Variants in RBFOX1 observed in about 807,000 individuals in gnomAD.
RBFOX1 encodes RNA binding protein fox-1 homolog 1.
Under a neutral mutation model 57.7 loss-of-function variants are expected in RBFOX1, and 8 were observed. The observed-to-expected ratio is 0.14, with a 90% CI of 0.08 to 0.25. RBFOX1 has a LOEUF of 0.25. Ranked by LOEUF, RBFOX1 falls within the 10% of genes least tolerant of loss-of-function variation. The probability of loss-of-function intolerance (pLI) is 1.00; values close to 1 mark genes in which losing one functional copy is unlikely to be tolerated. For synonymous variants in RBFOX1, 326 were observed against 222.4 expected (o/e 1.47, Z -4.15); for missense variants, 611 against 548.5 (o/e 1.11, Z -1.14).
intron 4 of RBFOX1, among the ~76,000 whole-genome samples, chr16:7,104,777 C>G (rs780530444): frequency 6.6e-6 from 1 of 152,096 alleles, no homozygotes; most frequent in Non-Finnish European, 1.5e-5. Context: ...ATTGCTCTAC[C>G]TTTTTTGTTG....
chr16:6,572,044 T>C (rs897265869), intron 2 of RBFOX1, among the ~76,000 whole-genome samples: 2 of 152,188 alleles, frequency 1.3e-5, no homozygotes, highest in Non-Finnish European at 2.9e-5. Context: ...TTTGTCCTAA[T>C]ATACATGAAA....
intron 3 of RBFOX1, among the ~76,000 whole-genome samples, chr16:6,718,967 A>G (rs531652317): frequency 2.6e-5 from 4 of 152,132 alleles, no homozygotes; most frequent in East Asian, 1.9e-4. Flanking sequence ...GGCTCAAACA[A>G]TCCTCCCACC....
chr16:6,660,873 C>A (rs1284986493), intron 3 of RBFOX1, among the ~76,000 whole-genome samples: 2 of 152,108 alleles, frequency 1.3e-5, no homozygotes, highest in African/African-American at 4.8e-5. Context: ...GGGGAGTATG[C>A]AACCAATGGG....
intron 3 of RBFOX1, among the ~76,000 whole-genome samples, chr16:6,752,604 T>C (rs1197122053): frequency 6.6e-6 from 1 of 152,222 alleles, no homozygotes; most frequent in Non-Finnish European, 1.5e-5. Context: ...CTTTAAGCTT[T>C]TTATTATGGC....
intron 4 of RBFOX1, among the ~76,000 whole-genome samples, chr16:5,899,634 G>C (rs934867784): frequency 6.6e-6 from 1 of 152,106 alleles, no homozygotes; most frequent in African/African-American, 2.4e-5. Context: ...TACCTGATTG[G>C]GTCAAAACCC....
chr16:5,984,475 A>G (rs752951996), intron 4 of RBFOX1, among the ~76,000 whole-genome samples: 1 of 151,970 alleles, frequency 6.6e-6, no homozygotes, highest in Non-Finnish European at 1.5e-5. Flanking sequence ...ATCCCAGTGA[A>G]CTGTCAAGTC....
intron 14 of RBFOX1, among the ~76,000 whole-genome samples, chr16:7,684,571 T>C (rs1291714057): frequency 6.6e-6 from 1 of 151,906 alleles, no homozygotes; most frequent in Admixed American, 6.6e-5. Context: ...ATGCCACACA[T>C]ATGATAAGCT....
At chr16:6,878,132 G>A (rs1404974677) in intron 3 of RBFOX1, among the ~76,000 whole-genome samples, 1 of 152,068 alleles carries the variant, frequency 6.6e-6, no homozygotes, top group East Asian at 1.9e-4. Flanking sequence ...TAAGAGAAGT[G>A]ATAGCTAATG....
chr16:6,486,660 T>TTA (rs1555498498), intron 2 of RBFOX1, among the ~76,000 whole-genome samples: 5 of 94,802 alleles, frequency 5.3e-5, no homozygotes, highest in African/African-American at 2.1e-4. Context: ...AATTTTATTA[T>TTA]TTTTTTTTTT....
intron 4 of RBFOX1, among the ~76,000 whole-genome samples, chr16:5,916,823 C>G (rs1187492389): frequency 6.6e-6 from 1 of 152,116 alleles, no homozygotes; most frequent in Non-Finnish European, 1.5e-5. Flanking sequence ...GGGAGAGAGT[C>G]GGAAACCACA....
At chr16:7,387,758 A>G (rs73550750) in intron 4 of RBFOX1, among the ~76,000 whole-genome samples, 5,898 of 152,240 alleles carry the variant, frequency 0.039, 400 homozygotes, top group African/African-American at 0.14. Flanking sequence ...CCACAATCCC[A>G]TGAACAGCAA....
At chr16:6,590,235 TTCGATTA>T (rs1455055629) in intron 2 of RBFOX1, among the ~76,000 whole-genome samples, 1 of 152,206 alleles carries the variant, frequency 6.6e-6, no homozygotes, top group Non-Finnish European at 1.5e-5. Context: ...TTTGATTCAG[TTCGATTA>T]TCTTTCATGA....
intron 9 of RBFOX1, 54 bp downstream of exon 9, chr16:7,597,485 G>A: frequency 1.4e-6 from 2 of 1,450,676 alleles, no homozygotes; most frequent in Non-Finnish European, 1.9e-6. Context: ...GACTCTTTAA[G>A]TAATTTAACC....
chr16:6,981,042 C>CAAAAAA (rs36117809), intron 3 of RBFOX1, among the ~76,000 whole-genome samples: 26 of 77,428 alleles, frequency 3.4e-4, no homozygotes, highest in African/African-American at 1.2e-3. Context: ...GTCTCAGTCT[C>CAAAAAA]AAAAAAAAAA....
intron 4 of RBFOX1, among the ~76,000 whole-genome samples, chr16:7,488,895 A>G (rs1225979354): frequency 2.0e-5 from 3 of 152,086 alleles, no homozygotes; most frequent in African/African-American, 7.2e-5. Flanking sequence ...TTTTATCATT[A>G]TGTTTGTCTA....
chr16:7,046,871 T>G (rs8049818), intron 3 of RBFOX1, among the ~76,000 whole-genome samples: 21,670 of 151,938 alleles, frequency 0.14, 2,860 homozygotes, highest in African/African-American at 0.34. Context: ...CTTTCAAAGT[T>G]CTGGAATTAC....
chr16:5,601,861 G>A (rs1252379828), downstream of RBFOX1, among the ~76,000 whole-genome samples: 1 of 152,212 alleles, frequency 6.6e-6, no homozygotes, highest in East Asian at 1.9e-4. Flanking sequence ...GCTTAGAATA[G>A]TGCCTATGCC....
intron 2 of RBFOX1, among the ~76,000 whole-genome samples, chr16:6,339,703 C>G (rs1356080417): frequency 1.3e-5 from 2 of 151,096 alleles, no homozygotes; most frequent in African/African-American, 2.4e-5. Context: ...GAGAGTCTCG[C>G]TCTGTCACCC....
chr16:7,580,461 A>G (rs1301932820), intron 6 of RBFOX1, among the ~76,000 whole-genome samples: 1 of 152,160 alleles, frequency 6.6e-6, no homozygotes, highest in Non-Finnish European at 1.5e-5. Context: ...CCGACACCAA[A>G]TGAGCTACCA....
Sources: gnomAD v4.1 joint callset for allele counts (sites outside exome capture counted in the v4.1 genomes callset) on GRCh38, gnomAD v4.1.1 for gene constraint, MANE v1.5 for transcripts, NCBI Gene and HGNC (gene_info 2026-07-23, HGNC 2026-07-21) for gene names.